Variants in TENM3 observed in about 807,000 individuals in gnomAD.
TENM3 encodes teneurin transmembrane protein 3, also known as teneurin-3.
Under a neutral mutation model 255.1 loss-of-function variants are expected in TENM3, and 63 were observed. The ratio of observed to expected loss-of-function variants is 0.25; its 90% CI spans 0.20 to 0.30. The LOEUF (loss-of-function observed/expected upper bound fraction) is 0.30, where lower values mean the gene tolerates loss of function less well. Ranked by LOEUF, TENM3 falls within the 10% of genes least tolerant of loss-of-function variation. The pLI is 1.00. For synonymous variants in TENM3, 1,306 were observed against 1,322.3 expected, an observed-to-expected ratio of 0.99 and a Z score of 0.27; for missense variants, 2,929 against 3,461.1, an observed-to-expected ratio of 0.85 and a Z score of 3.86.
At chr4:182,100,597 A>G in the TENM3 span, among the ~76,000 whole-genome samples, 1 of 51,230 alleles carries the variant, frequency 2.0e-5, no homozygotes, top group African/African-American at 8.8e-5. Context: ...ACACATATAT[A>G]CACATATATA....
chr4:182,312,371 A>G (rs1762501221), intron 1 of TENM3, among the ~76,000 whole-genome samples: 1 of 152,192 alleles, frequency 6.6e-6, no homozygotes, highest in Non-Finnish European at 1.5e-5. Flanking sequence ...CAAAAAATAA[A>G]GAAATAAAAT....
chr4:182,018,598 A>G, the TENM3 span, among the ~76,000 whole-genome samples: 1 of 152,206 alleles, frequency 6.6e-6, no homozygotes, highest in Non-Finnish European at 1.5e-5. Flanking sequence ...TATCTAGCTT[A>G]GATTAAATCT....
Position 182,754,013 on chromosome 4 carries a change from TGAAA to T in TENM3, c.4018-371_4018-368del, listed in dbSNP as rs1247293969. Among the ~76,000 whole-genome samples the T allele has an allele frequency of 6.6e-6, 1 of 152,194 alleles. No homozygotes were observed. Among genetic ancestry groups the T allele is most frequent in the Non-Finnish European group, 1.5e-5 (1 of 68,038 alleles). ...ATAGAAACTTTACTGTTGGCCTGAT[TGAAA>T]ACACAATAGAATACTAATCTATTCA... On this transcript the variant is annotated intron_variant, in intron 21 of 27. Coordinates refer to ENST00000511685, the MANE Select transcript of TENM3 (RefSeq NM_001080477.4). This position sits in a 1 kb window ranked among gnomAD's most constrained non-coding sequence, Gnocchi z 5.1.
chr4:181,864,436 G>C, the TENM3 span, among the ~76,000 whole-genome samples: 1 of 152,090 alleles, frequency 6.6e-6, no homozygotes, highest in African/African-American at 2.4e-5. Flanking sequence ...GACAAAAAGA[G>C]AGAGAGAGAG....
At chr4:182,779,979 C>A (rs892247525) in intron 24 of TENM3, among the ~76,000 whole-genome samples, 8 of 150,274 alleles carry the variant, frequency 5.3e-5, no homozygotes, top group Non-Finnish European at 1.0e-4. Flanking sequence ...GAGTAGGTTG[C>A]GAAAATTTTC....
the TENM3 span, among the ~76,000 whole-genome samples, chr4:181,674,761 A>G: frequency 6.6e-6 from 1 of 152,250 alleles, no homozygotes; most frequent in African/African-American, 2.4e-5. Context: ...GGTGTTTTGG[A>G]CCACATTCAG....
rs1053040413 is a variant in TENM3 at position 182,445,767 on chromosome 4, G to A, written c.511+98838G>A. Among the ~76,000 whole-genome samples the A allele has an allele frequency of 2.6e-5, 4 of 152,054 alleles. No individual in the cohort carries two copies. In the East Asian group the frequency reaches 7.7e-4, roughly 29 times the overall value. On this transcript the variant is annotated intron_variant, in intron 3 of 27. Transcript: ENST00000511685. ...AATATTCCAAGTATGATTCCACGTG[G>A]TTATTCATTCACAACATAAAATAGC...
chr4:181,773,214 C>G, the TENM3 span, among the ~76,000 whole-genome samples: 1 of 152,140 alleles, frequency 6.6e-6, no homozygotes. Context: ...GGGAGTTTTT[C>G]CTTTTTTGCT....
At chr4:181,510,709 A>C in the TENM3 span, among the ~76,000 whole-genome samples, 1 of 152,220 alleles carries the variant, frequency 6.6e-6, no homozygotes, top group Admixed American at 6.5e-5. Context: ...CTGAAAGGTA[A>C]CACGCAGCCA....
chr4:181,930,841 G>A, the TENM3 span, among the ~76,000 whole-genome samples: 1 of 152,162 alleles, frequency 6.6e-6, no homozygotes, highest in African/African-American at 2.4e-5. Context: ...TTCATACCTG[G>A]AATGCAAGGC....
intron 23 of TENM3, among the ~76,000 whole-genome samples, chr4:182,774,284 A>G (rs1764502803): frequency 6.6e-6 from 1 of 152,162 alleles, no homozygotes; most frequent in Admixed American, 6.6e-5. Flanking sequence ...TACCTGTTCC[A>G]TGAAGTAATC....
At chr4:182,152,148 C>T (rs981954072) in intron 1 of TENM3, among the ~76,000 whole-genome samples, 2 of 151,796 alleles carry the variant, frequency 1.3e-5, no homozygotes, top group South Asian at 4.1e-4. Context: ...ACATTTGTTG[C>T]CTTACAGAAC....
chr4:182,238,494 C>A (rs1376573503), upstream of TENM3, among the ~76,000 whole-genome samples: 2 of 152,116 alleles, frequency 1.3e-5, no homozygotes, highest in South Asian at 4.1e-4. Flanking sequence ...GTCCTCATCA[C>A]CCTCTGAAAT....
At chr4:182,207,131 G>A (rs966769752) in intron 1 of TENM3, among the ~76,000 whole-genome samples, 30 of 152,288 alleles carry the variant, frequency 2.0e-4, no homozygotes, top group African/African-American at 7.0e-4. Context: ...GGACTATTAT[G>A]CTATGCTTCT....
At chr4:182,118,003 C>T in the TENM3 span, among the ~76,000 whole-genome samples, 32 of 152,158 alleles carry the variant, frequency 2.1e-4, no homozygotes, top group South Asian at 4.8e-3. Flanking sequence ...TCATTTTTTA[C>T]GTGCTAATGC....
chr4:182,415,597 T>C (rs915721250), intron 3 of TENM3, among the ~76,000 whole-genome samples: 5 of 152,298 alleles, frequency 3.3e-5, no homozygotes, highest in Non-Finnish European at 7.4e-5. Context: ...TTTAAACTAA[T>C]GTAAAGTAAG....
intron 27 of TENM3, among the ~76,000 whole-genome samples, chr4:182,798,347 C>T (rs1766650291): frequency 1.3e-5 from 2 of 152,172 alleles, no homozygotes; most frequent in South Asian, 4.1e-4. Context: ...TGTTTAGATA[C>T]ACAAGTACTT....
At chr4:182,383,847 G>T (rs1340075073) in intron 3 of TENM3, among the ~76,000 whole-genome samples, 1 of 152,272 alleles carries the variant, frequency 6.6e-6, no homozygotes, top group East Asian at 1.9e-4. Context: ...CAGAAATAAG[G>T]CTGCACACTT....
At chr4:182,143,766 G>C (rs1480853066), upstream of TENM3, 1 of 152,690 alleles carries the variant, frequency 6.5e-6, no homozygotes, top group Non-Finnish European at 1.5e-5. The surrounding 1 kb of genome is among the most constrained non-coding windows in gnomAD (Gnocchi z 4.3). Flanking sequence ...TTTTCAATCG[G>C]CGGCGGGCAG....
Sources: allele counts gnomAD v4.1 joint callset (sites outside exome capture counted in the v4.1 genomes callset), GRCh38; gene constraint gnomAD v4.1.1; non-coding constraint Gnocchi (gnomAD v3.1); transcripts MANE v1.5; gene names NCBI Gene and HGNC (gene_info 2026-07-23, HGNC 2026-07-21).